The following DONSON variants were observed in gnomAD, a reference collection of about 807,000 sequenced individuals.
DONSON encodes the protein protein downstream neighbor of Son.
A neutral mutation model predicts 62.1 loss-of-function variants in DONSON; 43 were observed. The observed-to-expected ratio is 0.69, with a 90% CI of 0.54 to 0.89. The LOEUF is 0.89. Ranked by LOEUF, DONSON falls within the 40% of genes least tolerant of loss-of-function variation. DONSON has a pLI of 0.00. For synonymous variants in DONSON, 266 were observed against 264.6 expected (o/e 1.01, Z -0.05); for missense variants, 696 against 697.5 (o/e 1.00, Z 0.03).
At position 33,588,320 on chromosome 21, in the gene DONSON, C is replaced by G. The variant is rs2086605265; in HGVS notation, c.321+1G>C. On this transcript the variant is annotated splice_donor_variant, in intron 1 of 9. Coordinates refer to ENST00000303071, the MANE Select transcript of DONSON (RefSeq NM_017613.4). LOFTEE classifies it high-confidence loss of function. ...TGGCGGCCAGGCTACAAGACACTCA[C>G]CGGGACCGGGGCCTCCGGCTGCTCG... is the stretch of plus-strand genomic sequence containing the variant. 7.8e-7 allele frequency: 1 copy of G among 1,284,728 alleles called. No homozygotes were observed. Among genetic ancestry groups the G allele is most frequent in the South Asian group, 3.0e-5 (1 of 33,348 alleles). The allele number at this position is 1,284,728 out of a possible 1,614,324, so 79.6% of individuals were successfully genotyped here.
At position 33,578,311 on chromosome 21, in the gene DONSON, G is replaced by T. The variant is rs753472885; in HGVS notation, c.1697C>A (p.Ser566Tyr). 6.2e-7 allele frequency: 1 copy of T among 1,612,208 alleles called. No individual in the cohort carries two copies. Among genetic ancestry groups the T allele is most frequent in the Admixed American group, 1.7e-5 (1 of 59,820 alleles). Residue 566 changes from serine (S) to tyrosine (Y), a missense_variant, in exon 10 of 10, where the codon TCC (serine) becomes TAC (tyrosine). Physicochemically the swap from Ser to Tyr is moderately radical, Grantham distance 144. Transcript: ENST00000303071. ...VLRDYIYNWR[S>Y] ...CTTTTAGGCTTACTTTGGTGTTCAG[G>T]ATCTCCAATTATAAATGTAGTCTCT...
At position 33,588,304 on chromosome 21, in the gene DONSON, G is replaced by T; in HGVS notation, c.321+17C>A. 5 of 1,263,130 alleles carry T rather than the reference G, an allele frequency of 4.0e-6. No individual in the cohort carries two copies. Among genetic ancestry groups the T allele is most frequent in the Non-Finnish European group, 5.0e-6 (5 of 1,006,062 alleles). The allele number at this position is 1,263,130 out of a possible 1,614,324, so 78.2% of individuals were successfully genotyped here. A position where few individuals can be genotyped will look rare whatever the true frequency, so the allele number is the denominator to read the frequency against. ...AAAGACAAGAGCCCCTTGGCGGCCAGGCTACAAGACACTCACCGGGACCGG... is the reference window on the plus strand; with the variant it reads ...AAAGACAAGAGCCCCTTGGCGGCCATGCTACAAGACACTCACCGGGACCGG... On this transcript the variant is annotated intron_variant, in intron 1 of 9. Coordinates refer to ENST00000303071, the MANE Select transcript of DONSON (RefSeq NM_017613.4).
chr21:33,577,719 A>T lies in DONSON; in HGVS notation c.*588T>A, dbSNP rs992106298. 2.7e-5 allele frequency: 4 copies of T among 149,222 alleles called. No homozygotes were observed. In the East Asian group the frequency reaches 8.0e-4, roughly 30 times the overall value. The allele number at this position is 149,222 out of a possible 1,614,324, so 9.2% of individuals were successfully genotyped here. A position where few individuals can be genotyped will look rare whatever the true frequency, so the allele number is the denominator to read the frequency against. On this transcript the variant is annotated 3_prime_UTR_variant, in exon 10 of 10. Coordinates refer to ENST00000303071, the MANE Select transcript of DONSON (RefSeq NM_017613.4). ...CACACACACCCCTATAAGCACATTAAATACTACTTTGCCGTGACAGCTCAG... is the reference window on the plus strand; with the variant it reads ...CACACACACCCCTATAAGCACATTATATACTACTTTGCCGTGACAGCTCAG...
At position 33,578,173 on chromosome 21, in the gene DONSON, A is replaced by T; in HGVS notation, c.*134T>A. Reference sequence around the variant, plus strand: ...AATCTGAAAATAGTAAAACACATTTAAAACCTTAGATGCTACTGTAGTAAA... The same window carrying T: ...AATCTGAAAATAGTAAAACACATTTTAAACCTTAGATGCTACTGTAGTAAA... On this transcript the variant is annotated 3_prime_UTR_variant, in exon 10 of 10. Coordinates refer to ENST00000303071, the MANE Select transcript of DONSON (RefSeq NM_017613.4). The T allele has an allele frequency of 1.1e-6, 1 of 917,488 alleles. No homozygotes were observed. Among genetic ancestry groups the T allele is most frequent in the Non-Finnish European group, 1.6e-6 (1 of 636,710 alleles). The allele number at this position is 917,488 out of a possible 1,614,324, so 56.8% of individuals were successfully genotyped here.
chr21:33,588,543 G>A lies in DONSON; in HGVS notation c.99C>T (p.Ala33=), dbSNP rs1270997978. Residue 33 remains alanine (A), a synonymous_variant, in exon 1 of 10, where the codon GCC becomes GCT. Coordinates refer to ENST00000303071, the MANE Select transcript of DONSON (RefSeq NM_017613.4). The stretch of plus-strand genomic sequence containing the variant: ...GCTCCGTCAGCTCACGGGGCGGGGA[G>A]GCGGCAGCTCCACGGCTCCGGGCCC... The part of the protein sequence containing the change: ...RKRARSRGAA[A]SPPRELTEPA... 3 of 1,250,520 alleles carry A rather than the reference G, an allele frequency of 2.4e-6. No homozygotes were observed. The highest frequency in any genetic ancestry group is 3.0e-6 in the Non-Finnish European group (3 of 998,080). 77.5% of individuals were successfully genotyped at this position (1,250,520 alleles called of 1,614,324 possible).
chr21:33,587,754 TCA>T (rs1472184388), intron 1 of DONSON, 152 bp from the exon 2 acceptor site: 2 of 560,800 alleles, frequency 3.6e-6, no homozygotes, highest in East Asian at 6.1e-5. Flanking sequence ...TTTCAACACT[TCA>T]GTTTTGTGTC....
In DONSON at chr21:33,581,461, A is replaced by G; in HGVS notation, c.1191T>C (p.Pro397=). 1.2e-6 allele frequency: 2 copies of G among 1,613,970 alleles called. No homozygotes were observed. Among genetic ancestry groups the G allele is most frequent in the Non-Finnish European group, 1.7e-6 (2 of 1,179,866 alleles). Residue 397 remains proline, a synonymous_variant, in exon 8 of 10, where the codon CCT becomes CCC. Coordinates refer to ENST00000303071, the MANE Select transcript of DONSON (RefSeq NM_017613.4). ...EKHEVQMDHR[P]ESVVLVKGIN... Reference sequence around the variant, plus strand: ...TTCCTTTTACCAACACAACAGATTCAGGTCTGTGATCCATTTGTACTTCAT... The same window carrying G: ...TTCCTTTTACCAACACAACAGATTCGGGTCTGTGATCCATTTGTACTTCAT...
intron 9 of DONSON, among the ~76,000 whole-genome samples, chr21:33,578,830 T>C (rs2086467420): frequency 6.6e-6 from 1 of 152,216 alleles, no homozygotes; most frequent in South Asian, 2.1e-4. Flanking sequence ...AGTTCTTCAG[T>C]CACTGTTAAA....
At chr21:33,579,241 G>A (rs969906931) in intron 9 of DONSON, 109 bp downstream of exon 9, 2 of 767,442 alleles carry the variant, frequency 2.6e-6, no homozygotes, top group Non-Finnish European at 3.9e-6. Flanking sequence ...TTAAGTAACA[G>A]TTTAATTACT....
chr21:33,583,190 G>C (rs2086534135), intron 5 of DONSON, among the ~76,000 whole-genome samples: 1 of 47,834 alleles, frequency 2.1e-5, no homozygotes, highest in African/African-American at 1.3e-4. Flanking sequence ...GACAGAGCGA[G>C]TCTCCATCTC....
In DONSON at chr21:33,587,542, T is replaced by C. The variant is rs774005539; in HGVS notation, c.382A>G (p.Thr128Ala). 1.9e-6 allele frequency: 3 copies of C among 1,599,298 alleles called. No individual in the cohort carries two copies. Among genetic ancestry groups the C allele is most frequent in the Admixed American group, 1.8e-5 (1 of 55,668 alleles). Residue 128 changes from threonine (T) to alanine (A), a missense_variant, in exon 2 of 10, where the codon ACT becomes GCT. Thr to Ala is a moderately conservative substitution (Grantham distance 58). Transcript: ENST00000303071. ...LWEEKFPERT[T>A]VTELPQTSHV... ...ATTACCTGAGGTAATTCAGTAACAGTTGTTCTTTCAGGAAACTTCTCTTCC... is the reference window on the plus strand; with the variant it reads ...ATTACCTGAGGTAATTCAGTAACAGCTGTTCTTTCAGGAAACTTCTCTTCC...
At position 33,583,276 on chromosome 21, in the gene DONSON, T is replaced by C. The variant is rs186442665; in HGVS notation, c.964+212A>G. Among the ~76,000 whole-genome samples the C allele has an allele frequency of 2.2e-3, 319 of 147,328 alleles. No homozygotes were observed. The highest frequency in any genetic ancestry group is 4.0e-3 in the Admixed American group (58 of 14,564). On this transcript the variant is annotated intron_variant, in intron 5 of 9. Coordinates refer to ENST00000303071, the MANE Select transcript of DONSON (RefSeq NM_017613.4). ...TTCATCCCGAAACCATCCTCCTCAC[T>C]GCCCATGAAACTGATCCCTAGTGCC...
At chr21:33,579,609 C>A (rs953790232) in intron 8 of DONSON, 47 bp from the exon 9 acceptor site, 5 of 1,544,588 alleles carry the variant, frequency 3.2e-6, no homozygotes, top group Non-Finnish European at 4.4e-6. Flanking sequence ...ATCTCTCAAC[C>A]TTTTGCCTAG....
chr21:33,588,409 T>C lies in DONSON; in HGVS notation c.233A>G (p.Asn78Ser). The C allele has an allele frequency of 7.7e-7, 1 of 1,303,874 alleles. No homozygotes were observed. The highest frequency in any genetic ancestry group is 1.5e-5 in the African/African-American group (1 of 64,994). The allele number at this position is 1,303,874 out of a possible 1,614,324, so 80.8% of individuals were successfully genotyped here. ...SGGGPAAARR[N>S]PFARLDNRPR... ...TCGGTTGTCCAGGCGGGCGAAGGGG[T>C]TCCTCCGAGCAGCGGCCGGGCCGCC... Residue 78 changes from asparagine (N) to serine (S), a missense_variant, in exon 1 of 10, where the codon AAC becomes AGC. Coordinates refer to ENST00000303071, the MANE Select transcript of DONSON (RefSeq NM_017613.4).
Position 33,588,325 on chromosome 21 carries a change from A to ACCGGGG in DONSON, c.311_316dup (p.Ala104_Pro105dup). On this transcript the variant is annotated inframe_insertion, in exon 1 of 10. Coordinates refer to ENST00000303071, the MANE Select transcript of DONSON (RefSeq NM_017613.4). ...GCCAGGCTACAAGACACTCACCGGGACCGGGGCCTCCGGCTGCTCGCGGGC... is the reference window on the plus strand; with the variant it reads ...GCCAGGCTACAAGACACTCACCGGGACCGGGGCCGGGGCCTCCGGCTGCTCGCGGGC... The ACCGGGG allele has an allele frequency of 3.1e-6, 4 of 1,288,444 alleles. No individual in the cohort carries two copies. Among genetic ancestry groups the ACCGGGG allele is most frequent in the Non-Finnish European group, 3.9e-6 (4 of 1,022,268 alleles). 79.8% of individuals were successfully genotyped at this position (1,288,444 alleles called of 1,614,324 possible). A position where few individuals can be genotyped will look rare whatever the true frequency, so the allele number is the denominator to read the frequency against.
chr21:33,585,234 T>C (rs1004796093), intron 3 of DONSON, among the ~76,000 whole-genome samples: 2 of 152,074 alleles, frequency 1.3e-5, no homozygotes, highest in Non-Finnish European at 2.9e-5. Context: ...TTTAAAAAAA[T>C]TTTTTTAAGA....
intron 8 of DONSON, among the ~76,000 whole-genome samples, chr21:33,580,454 A>T (rs2086493489): frequency 9.6e-6 from 1 of 104,328 alleles, no homozygotes; most frequent in Non-Finnish European, 1.9e-5. Context: ...TGAGAGTGAG[A>T]TTCCACCTCA....
chr21:33,583,200 C>CAACAAAAAAAAAAAAAAAAA (rs2086534982), intron 5 of DONSON, among the ~76,000 whole-genome samples: 1 of 58,922 alleles, frequency 1.7e-5, no homozygotes, highest in Non-Finnish European at 3.0e-5. Flanking sequence ...GTCTCCATCT[C>CAACAAAAAAAAAAAAAAAAA]AAAAAAAAAA....
rs1188583199 is a variant in DONSON, at chr21:33,578,228, CCTTCAA to C, written c.*73_*78del. The C allele has an allele frequency of 5.7e-5, 84 of 1,471,452 alleles. No individual in the cohort carries two copies. The highest frequency in any genetic ancestry group is 7.8e-5 in the Non-Finnish European group (84 of 1,078,294). The allele number at this position is 1,471,452 out of a possible 1,614,324, so 91.1% of individuals were successfully genotyped here. A position where few individuals can be genotyped will look rare whatever the true frequency, so the allele number is the denominator to read the frequency against. On this transcript the variant is annotated 3_prime_UTR_variant, in exon 10 of 10. Coordinates refer to ENST00000303071, the MANE Select transcript of DONSON (RefSeq NM_017613.4). ...ATGTTTATAAACATTTCAGTATATT[CCTTCAA>C]CTTCAAGAATCTTGAATTTCCTTGC...
Sources: allele counts gnomAD v4.1 joint callset (sites outside exome capture counted in the v4.1 genomes callset), GRCh38; gene constraint gnomAD v4.1.1; transcripts MANE v1.5; gene names NCBI Gene and HGNC (gene_info 2026-07-23, HGNC 2026-07-21).